TSHZ2: variants seen among roughly 807,000 people sequenced by gnomAD.
TSHZ2 encodes the protein teashirt homolog 2.
Under a neutral mutation model 74.4 loss-of-function variants are expected in TSHZ2, and 21 were observed. The observed-to-expected ratio is 0.28, with a 90% confidence interval of 0.20 to 0.41. The LOEUF (loss-of-function observed/expected upper bound fraction) is 0.41, where lower values mean the gene tolerates loss of function less well. TSHZ2 is among the 10% of genes least tolerant of loss of function. The pLI is 1.00. For synonymous variants in TSHZ2, 540 were observed against 515.3 expected (o/e 1.05, Z -0.65); for missense variants, 1,244 against 1,293.5 (o/e 0.96, Z 0.59).
intron 2 of TSHZ2, among the ~76,000 whole-genome samples, chr20:53,284,763 GGAGAGAGAAATA>G (rs1366317945): frequency 5.3e-5 from 8 of 149,586 alleles, no homozygotes; most frequent in Non-Finnish European, 8.9e-5. Flanking sequence ...GAAAGAGAGA[GGAGAGAGAAATA>G]GAGAGAGGAA....
At chr20:53,362,345 T>C (rs1392400209) in intron 2 of TSHZ2, among the ~76,000 whole-genome samples, 2 of 151,788 alleles carry the variant, frequency 1.3e-5, no homozygotes, top group African/African-American at 4.8e-5. Context: ...CCACCACGCC[T>C]GACTAATTTT....
intron 1 of TSHZ2, among the ~76,000 whole-genome samples, chr20:53,161,880 A>G (rs777285022): frequency 7.2e-5 from 11 of 152,350 alleles, no homozygotes; most frequent in South Asian, 6.2e-4. Flanking sequence ...AACAATTACT[A>G]TATCTCAGGC....
intron 1 of TSHZ2, among the ~76,000 whole-genome samples, chr20:53,041,030 T>C (rs1249844785): frequency 1.3e-5 from 2 of 152,226 alleles, no homozygotes; most frequent in African/African-American, 4.8e-5. Flanking sequence ...GGTTAGTCTC[T>C]GCAGGAAGCT....
intron 1 of TSHZ2, among the ~76,000 whole-genome samples, chr20:53,171,773 T>G (rs1288017758): frequency 6.6e-6 from 1 of 152,158 alleles, no homozygotes; most frequent in Non-Finnish European, 1.5e-5. Flanking sequence ...TCTGGTTGAC[T>G]TTGATATGGA....
At chr20:53,398,549 CA>C (rs1982539478) in intron 2 of TSHZ2, 1 of 152,230 alleles carries the variant, frequency 6.6e-6, no homozygotes, top group Non-Finnish European at 1.5e-5. Flanking sequence ...CCAGGAGTTC[CA>C]GACCAGCTTG....
chr20:53,192,964 A>G (rs1181157682), intron 1 of TSHZ2, among the ~76,000 whole-genome samples: 1 of 152,150 alleles, frequency 6.6e-6, no homozygotes, highest in Non-Finnish European at 1.5e-5. Context: ...GGAATCTTCT[A>G]TGATCTTTGC....
intron 2 of TSHZ2, among the ~76,000 whole-genome samples, chr20:53,418,961 T>C (rs1274056295): frequency 6.6e-6 from 1 of 152,176 alleles, no homozygotes; most frequent in Non-Finnish European, 1.5e-5. Context: ...TTCATCCCTC[T>C]CTCTCCTCCA....
intron 2 of TSHZ2, among the ~76,000 whole-genome samples, chr20:53,340,881 T>TGGACAAGCTGCCTGAGTTCTCC (rs1980171601): frequency 1.3e-5 from 2 of 152,194 alleles, no homozygotes; most frequent in African/African-American, 4.8e-5. Context: ...TGTGTTCGCT[T>TGGACAAGCTGCCTGAGTTCTCC]GGACAAGCTG....
chr20:53,271,516 T>A (rs969925790), intron 2 of TSHZ2, among the ~76,000 whole-genome samples: 6 of 152,174 alleles, frequency 3.9e-5, no homozygotes, highest in African/African-American at 1.4e-4. Context: ...CCTCAGAATG[T>A]TTGCTGCCCA....
At chr20:53,272,671 C>G (rs896948796) in intron 2 of TSHZ2, among the ~76,000 whole-genome samples, 20 of 152,208 alleles carry the variant, frequency 1.3e-4, no homozygotes, top group Middle Eastern at 3.4e-3. Context: ...TTTGCACAGC[C>G]AGAAAAGTAT....
rs570413572 is a variant in TSHZ2 at position 53,482,108 on chromosome 20, TAAAAAAAAAAAAA to T, written c.*9-5022_*9-5010del. ...GCAACAAGAGCGAAACTCCATCTCA[TAAAAAAAAAAAAA>T]AAAAAAAAAAAAAGTAACTATACTC... On this transcript the variant is annotated intron_variant, in intron 2 of 2. Transcript: ENST00000371497. 4.0e-5 allele frequency among the ~76,000 whole-genome samples: 3 copies of T among 74,332 alleles called. No homozygotes were observed. In the Admixed American group the frequency reaches 5.5e-4, roughly 14 times the overall value. 48.8% of individuals were successfully genotyped at this position (74,332 alleles called of 152,430 possible).
intron 2 of TSHZ2, among the ~76,000 whole-genome samples, chr20:53,388,238 T>A (rs960180807): frequency 5.3e-5 from 8 of 152,300 alleles, no homozygotes; most frequent in African/African-American, 1.9e-4. Flanking sequence ...ATGTTTCTCT[T>A]CAGTAGGTGA....
intron 2 of TSHZ2, among the ~76,000 whole-genome samples, chr20:53,274,084 T>G (rs534342577): frequency 1.1e-3 from 167 of 151,960 alleles, no homozygotes; most frequent in Admixed American, 3.9e-4. Context: ...ATCGAGACCA[T>G]CCTGGTGAGA....
intron 2 of TSHZ2, among the ~76,000 whole-genome samples, chr20:53,433,970 G>A (rs1983946014): frequency 6.6e-6 from 1 of 152,176 alleles, no homozygotes; most frequent in South Asian, 2.1e-4. Flanking sequence ...CCGAGTTCAA[G>A]CAATTCTCCT....
chr20:53,481,570 C>T (rs6091683), intron 2 of TSHZ2, among the ~76,000 whole-genome samples: 30,189 of 150,238 alleles, frequency 0.2, 3,181 homozygotes, highest in East Asian at 0.3. Context: ...AGAGTGAGAC[C>T]CTGTCTCAAA....
chr20:53,272,306 G>A lies in TSHZ2; in HGVS notation c.*8+15735G>A, dbSNP rs144990082. ...ATTACAGGCATGAACCACCGTGCCC[G>A]GCCGAGAAGTGGACTTTTAACTGAG... On this transcript the variant is annotated intron_variant, in intron 2 of 2. Transcript: ENST00000371497. Among the ~76,000 whole-genome samples the A allele has an allele frequency of 9.1e-4, 139 of 152,200 alleles. 1 individual carries two copies. The highest frequency in any genetic ancestry group is 3.0e-3 in the African/African-American group (123 of 41,512).
chr20:53,039,781 A>AACACACACACACAC (rs61356112), intron 1 of TSHZ2, among the ~76,000 whole-genome samples: 11 of 149,702 alleles, frequency 7.3e-5, no homozygotes, highest in African/African-American at 2.7e-4. Context: ...CTCCATCTCA[A>AACACACACACACAC]ACACACACAC....
At chr20:53,055,184 C>T (rs1212933493) in intron 1 of TSHZ2, among the ~76,000 whole-genome samples, 1 of 152,186 alleles carries the variant, frequency 6.6e-6, no homozygotes, top group African/African-American at 2.4e-5. Flanking sequence ...ACACCATTGT[C>T]TTCCACAGGT....
At chr20:53,347,139 T>A (rs200625) in intron 2 of TSHZ2, among the ~76,000 whole-genome samples, 81,564 of 151,992 alleles carry the variant, frequency 0.54, 22,299 homozygotes, top group African/African-American at 0.64. Context: ...CCAAGGGGCT[T>A]GATCAAAATT....
Sources: allele counts gnomAD v4.1 joint callset (sites outside exome capture counted in the v4.1 genomes callset), GRCh38; gene constraint gnomAD v4.1.1; transcripts MANE v1.5; gene names NCBI Gene and HGNC (gene_info 2026-07-23, HGNC 2026-07-21).